The following PLCH1 variants were observed in gnomAD, a reference collection of about 807,000 sequenced individuals.
The protein encoded by PLCH1 is 1-phosphatidylinositol 4,5-bisphosphate phosphodiesterase eta-1.
PLCH1 carries 60 observed loss-of-function variants against 126.7 expected under a neutral mutation model. That is an observed-to-expected ratio of 0.47 (90% CI 0.38 to 0.59). PLCH1 has a LOEUF of 0.59. Ranked by LOEUF, PLCH1 falls within the 20% of genes least tolerant of loss-of-function variation. PLCH1 has a pLI of 0.00. For synonymous variants in PLCH1, 719 were observed against 734.9 expected (o/e 0.98, Z 0.35); for missense variants, 1,723 against 2,040.0 (o/e 0.84, Z 2.99).
At chr3:155,708,032 T>C (rs550233726) in intron 1 of PLCH1, among the ~76,000 whole-genome samples, 5 of 152,310 alleles carry the variant, frequency 3.3e-5, no homozygotes, top group African/African-American at 1.2e-4. Context: ...ATAATCCTGT[T>C]TCCCAGTTAC....
chr3:155,584,421 C>T (rs998058842), intron 5 of PLCH1, among the ~76,000 whole-genome samples: 4 of 152,276 alleles, frequency 2.6e-5, no homozygotes, highest in East Asian at 1.9e-4. Flanking sequence ...GCTTTCCCTC[C>T]GTAGAAAAGT....
chr3:155,566,184 CAT>C lies in PLCH1; in HGVS notation c.866-1068_866-1067del, dbSNP rs1553838981. Among the ~76,000 whole-genome samples the C allele has an allele frequency of 9.5e-4, 51 of 53,900 alleles. 11 individuals are homozygous for C. The highest frequency in any genetic ancestry group is 2.1e-3 in the Admixed American group (10 of 4,838). The allele number at this position is 53,900 out of a possible 152,430, so 35.4% of individuals were successfully genotyped here. A position where few individuals can be genotyped will look rare whatever the true frequency, so the allele number is the denominator to read the frequency against. ...ACATACATATATACACATATATACA[CAT>C]ATATATACACATACATATATACACA... On this transcript the variant is annotated intron_variant, in intron 7 of 22. Transcript: ENST00000460012.
intron 1 of PLCH1, among the ~76,000 whole-genome samples, chr3:155,710,303 T>C (rs1176621431): frequency 6.6e-6 from 1 of 151,984 alleles, no homozygotes; most frequent in Non-Finnish European, 1.5e-5. Context: ...GTTTTAAGAG[T>C]TTTAAAAAAA....
In PLCH1 at chr3:155,642,962, T is replaced by C. The variant is rs73156534; in HGVS notation, c.80-46584A>G. Among the ~76,000 whole-genome samples, 1,371 of 152,244 alleles carry C rather than the reference T, an allele frequency of 9.0e-3. 7 individuals are homozygous for C. Among genetic ancestry groups the C allele is most frequent in the Middle Eastern group, 0.02 (6 of 294 alleles). ...GTTGGTTTTTTGTTTGTTTATTTGT[T>C]TTTTGGAAAGGGAGTCTCACTTTGT... On this transcript the variant is annotated intron_variant, in intron 2 of 22. Coordinates refer to ENST00000460012, the MANE Select transcript of PLCH1 (RefSeq NM_014996.4).
chr3:155,549,827 AGCT>A lies in PLCH1; in HGVS notation c.1319_1321del (p.Gln440del). 1 of 1,613,776 alleles carries A rather than the reference AGCT, an allele frequency of 6.2e-7. No individual in the cohort carries two copies. Among genetic ancestry groups the A allele is most frequent in the African/African-American group, 1.3e-5 (1 of 75,040 alleles). On this transcript the variant is annotated inframe_deletion, in exon 10 of 23. Transcript: ENST00000460012. ...GCCTTTCAAACTTTGAGGGCTTGGA[AGCT>A]GCTTGCACTCCCCTGTATCAACAGA...
chr3:155,738,015 C>T (rs990824423), intron 1 of PLCH1, among the ~76,000 whole-genome samples: 2 of 152,156 alleles, frequency 1.3e-5, no homozygotes, highest in African/African-American at 2.4e-5. Context: ...AACTCACTGA[C>T]GCTGGCACTA....
chr3:155,589,251 A>G (rs1395919482), intron 4 of PLCH1, among the ~76,000 whole-genome samples: 1 of 152,172 alleles, frequency 6.6e-6, no homozygotes, highest in Non-Finnish European at 1.5e-5. Flanking sequence ...ATTTGCTCTC[A>G]GCTGCAACTA....
intron 21 of PLCH1, among the ~76,000 whole-genome samples, chr3:155,451,722 C>T (rs1005384312): frequency 6.6e-6 from 1 of 152,146 alleles, no homozygotes; most frequent in Non-Finnish European, 1.5e-5. Flanking sequence ...TTTGCACCAA[C>T]CTAATATAAG....
At position 155,488,025 on chromosome 3, in the gene PLCH1, C is replaced by T. The variant is rs1457224609; in HGVS notation, c.2619+3G>A. ...TGACTTTAAATCCTATGATCTTTCT[C>T]ACCTTTCCATAGATTTCATTGATGG... On this transcript the variant is annotated splice_donor_region_variant and intron_variant, in intron 21 of 22. Transcript: ENST00000460012. 1.3e-6 allele frequency: 2 copies of T among 1,537,944 alleles called. No individual in the cohort carries two copies. Among genetic ancestry groups the T allele is most frequent in the Non-Finnish European group, 1.8e-6 (2 of 1,110,604 alleles).
At chr3:155,458,808 C>T (rs1379208354) in intron 21 of PLCH1, among the ~76,000 whole-genome samples, 4 of 152,180 alleles carry the variant, frequency 2.6e-5, no homozygotes, top group Non-Finnish European at 4.4e-5. Context: ...TCTTAAAAGA[C>T]GGGACAACCA....
chr3:155,515,156 T>G (rs1720145934), intron 11 of PLCH1, among the ~76,000 whole-genome samples: 2 of 152,172 alleles, frequency 1.3e-5, no homozygotes, highest in Non-Finnish European at 2.9e-5. Flanking sequence ...TTATTATCAT[T>G]TCCATTTCAG....
At chr3:155,583,130 A>G (rs1247897567) in intron 6 of PLCH1, among the ~76,000 whole-genome samples, 1 of 150,286 alleles carries the variant, frequency 6.7e-6, no homozygotes, top group African/African-American at 2.4e-5. Context: ...ACTAATATAT[A>G]GTATAAATTT....
At chr3:155,585,226 C>T (rs1340396146) in intron 5 of PLCH1, among the ~76,000 whole-genome samples, 5 of 152,314 alleles carry the variant, frequency 3.3e-5, no homozygotes, top group Middle Eastern at 3.4e-3. Context: ...ATTGTTGCAA[C>T]ACATACCCCA....
chr3:155,644,669 A>G (rs946956168), intron 2 of PLCH1, among the ~76,000 whole-genome samples: 1 of 152,222 alleles, frequency 6.6e-6, no homozygotes, highest in Admixed American at 6.5e-5. Context: ...CAGTTAAAGA[A>G]ACAATTTTTT....
intron 19 of PLCH1, among the ~76,000 whole-genome samples, chr3:155,489,596 G>A (rs549100008): frequency 1.3e-5 from 2 of 152,264 alleles, no homozygotes; most frequent in South Asian, 2.1e-4. Flanking sequence ...AGCTTCTCAC[G>A]AAGCAAGACC....
rs775930615 is a variant in PLCH1 at position 155,482,014 on chromosome 3, C to T, written c.4012G>A (p.Ala1338Thr). ...SPDLTLEDVIADPTLCFNSGE... is the reference protein window; with the variant it reads ...SPDLTLEDVITDPTLCFNSGE... ...GAATTGAAACAGAGAGTGGGATCAG[C>T]TATTACATCCTCCAGGGTCAAATCA... is the stretch of plus-strand genomic sequence containing the variant. Residue 1338 changes from alanine to threonine, a missense_variant, in exon 23 of 23, where the codon GCT becomes ACT. Ala to Thr is a moderately conservative substitution (Grantham distance 58, BLOSUM62 0). Around this residue, in one of 2 missense-constraint regions of PLCH1, gnomAD observed 947 missense variants for 977.1 expected, o/e 0.97. Coordinates refer to ENST00000460012, the MANE Select transcript of PLCH1 (RefSeq NM_014996.4). 1.2e-5 allele frequency: 19 copies of T among 1,613,992 alleles called. No individual in the cohort carries two copies. Among genetic ancestry groups the T allele is most frequent in the African/African-American group, 2.7e-5 (2 of 74,906 alleles).
intron 1 of PLCH1, among the ~76,000 whole-genome samples, chr3:155,723,185 A>G (rs1418066003): frequency 6.6e-6 from 1 of 151,438 alleles, no homozygotes; most frequent in East Asian, 1.9e-4. Context: ...TTTCATCTCT[A>G]ATTGAGTTTA....
intron 21 of PLCH1, among the ~76,000 whole-genome samples, chr3:155,469,865 C>A (rs1326264753): frequency 6.6e-6 from 1 of 152,076 alleles, no homozygotes; most frequent in Non-Finnish European, 1.5e-5. Context: ...AGCTGAGGGT[C>A]CTGTCTGTTA....
rs200437114 is a variant in PLCH1, at chr3:155,497,330, A to G, written c.1884T>C (p.Ile628=). The G allele has an allele frequency of 2.1e-5, 33 of 1,605,618 alleles. No individual in the cohort carries two copies. The highest frequency in any genetic ancestry group is 2.2e-5 in the Non-Finnish European group (26 of 1,172,280). The part of the protein sequence containing the change: ...VYTNSVAAQD[I]VDDGTTGNVL... ...ACTCTCCATCCTTACCGTCATCCAC[A>G]ATGTCCTGAGCGGCCACGGAGTTTG... Residue 628 remains isoleucine (I), a synonymous_variant, in exon 15 of 23, where the codon ATT becomes ATC. Transcript: ENST00000460012.
Sources: gnomAD v4.1 joint callset for allele counts (sites outside exome capture counted in the v4.1 genomes callset) on GRCh38, gnomAD v4.1.1 for gene constraint, gnomAD v4.1.1 regional missense constraint, MANE v1.5 for transcripts, NCBI Gene and HGNC (gene_info 2026-07-23, HGNC 2026-07-21) for gene names.